Variants in LRRFIP1 observed in about 807,000 individuals in gnomAD.
LRRFIP1 encodes leucine-rich repeat flightless-interacting protein 1.
Under a neutral mutation model 104.4 loss-of-function variants are expected in LRRFIP1, and 62 were observed. That is an observed-to-expected ratio of 0.59 (90% confidence interval 0.48 to 0.73). LRRFIP1 has a LOEUF of 0.73. Among genes scored for constraint, LRRFIP1 ranks in the 30% least tolerant of loss-of-function variants. The pLI is 0.00. For missense variants in LRRFIP1, 796 were observed against 824.5 expected (o/e 0.97, Z 0.42); for synonymous variants, 300 against 299.0 (o/e 1.00, Z -0.03).
intron 1 of LRRFIP1, among the ~76,000 whole-genome samples, chr2:237,659,728 G>A (rs933574255): frequency 1.2e-4 from 18 of 151,372 alleles, no homozygotes; most frequent in Admixed American, 3.3e-4. Flanking sequence ...TCGCTGCCTC[G>A]CTCCTGGGCT....
chr2:237,768,348 C>T (rs1337910074), intron 19 of LRRFIP1: 6 of 152,172 alleles, frequency 3.9e-5, no homozygotes, highest in Non-Finnish European at 8.8e-5. Context: ...TACATTTTAA[C>T]ACTTATTTTC....
chr2:237,638,419 C>T (rs997241344), intron 1 of LRRFIP1, among the ~76,000 whole-genome samples: 8 of 152,222 alleles, frequency 5.3e-5, no homozygotes, highest in Non-Finnish European at 8.8e-5. Context: ...AAGCTTCGCT[C>T]ACTCACCCGC....
At position 237,661,204 on chromosome 2, in the gene LRRFIP1, C is replaced by G. The variant is rs2087874806; in HGVS notation, c.96+33464C>G. Among the ~76,000 whole-genome samples, 1 of 152,196 alleles carries G rather than the reference C, an allele frequency of 6.6e-6. No individual in the cohort carries two copies. The highest frequency in any genetic ancestry group is 6.5e-5 in the Admixed American group (1 of 15,288). ...ACCCTGGGGGATCCTGGGCAGAAGC[C>G]CCTGAAGTGATTGAGCTGTTTCCTG... On this transcript the variant is annotated intron_variant, in intron 1 of 23. Transcript: ENST00000308482. The surrounding 1 kb of genome is among the most constrained non-coding windows in gnomAD (Gnocchi z 4.4).
intron 8 of LRRFIP1, among the ~76,000 whole-genome samples, chr2:237,732,347 A>G (rs970195673): frequency 9.9e-5 from 15 of 152,152 alleles, no homozygotes; most frequent in Non-Finnish European, 2.1e-4. Context: ...CTCCGGCTCC[A>G]GCCTTGGGCT....
At chr2:237,728,055 GGTCT>G (rs60778485) in intron 8 of LRRFIP1, 120 bp downstream of exon 8, 28,947 of 698,104 alleles carry the variant, frequency 0.041, 1,052 homozygotes, top group East Asian at 0.12. Context: ...TTTTAAAATC[GGTCT>G]GTCTTTTTTT....
chr2:237,714,348 C>A (rs2094238816), intron 3 of LRRFIP1, 72 bp downstream of exon 3: 4 of 1,173,334 alleles, frequency 3.4e-6, no homozygotes, highest in Non-Finnish European at 5.0e-6. Flanking sequence ...GGTCACCTTT[C>A]AGAAATAACA....
At chr2:237,688,047 C>T (rs1289280436) in intron 1 of LRRFIP1, among the ~76,000 whole-genome samples, 5 of 152,222 alleles carry the variant, frequency 3.3e-5, no homozygotes, top group East Asian at 1.9e-4. Flanking sequence ...ACTGGCCTTT[C>T]GTTCTTTTCT....
At chr2:237,742,048 A>T (rs2057162853) in intron 11 of LRRFIP1, among the ~76,000 whole-genome samples, 1 of 152,216 alleles carries the variant, frequency 6.6e-6, no homozygotes, top group Non-Finnish European at 1.5e-5. Flanking sequence ...CAATATAGTC[A>T]CTTAGAGATT....
intron 14 of LRRFIP1, among the ~76,000 whole-genome samples, chr2:237,752,949 T>C (rs1396899506): frequency 6.6e-6 from 1 of 152,212 alleles, no homozygotes; most frequent in Non-Finnish European, 1.5e-5. Flanking sequence ...AGAAATCTGT[T>C]GAACAGCCTG....
intron 11 of LRRFIP1, among the ~76,000 whole-genome samples, chr2:237,740,119 G>A (rs969561624): frequency 3.9e-5 from 6 of 152,078 alleles, no homozygotes; most frequent in East Asian, 1.9e-4. Context: ...AAAATTTCCA[G>A]CCTGAGCTGG....
At chr2:237,689,184 G>C (rs1328252150) in intron 1 of LRRFIP1, among the ~76,000 whole-genome samples, 1 of 152,178 alleles carries the variant, frequency 6.6e-6, no homozygotes, top group Non-Finnish European at 1.5e-5. Context: ...AATTTTAATG[G>C]AAAAACTGCA....
chr2:237,712,526 A>G (rs1364540417), intron 2 of LRRFIP1, among the ~76,000 whole-genome samples: 2 of 152,266 alleles, frequency 1.3e-5, no homozygotes, highest in African/African-American at 2.4e-5. Context: ...AGAATTTTCT[A>G]TAAATACAGA....
At chr2:237,680,458 A>G (rs1285963911) in intron 1 of LRRFIP1, among the ~76,000 whole-genome samples, 2 of 152,246 alleles carry the variant, frequency 1.3e-5, no homozygotes, top group Non-Finnish European at 2.9e-5. Context: ...TTTACATTGT[A>G]TTAGGTATGA....
intron 19 of LRRFIP1, chr2:237,769,540 G>A (rs934803571): frequency 7.8e-5 from 15 of 191,108 alleles, no homozygotes; most frequent in Admixed American, 4.9e-4. Context: ...ATGTAAACTC[G>A]GAAAGGCGAG....
chr2:237,724,021 A>G (rs531936166), intron 7 of LRRFIP1, among the ~76,000 whole-genome samples: 135 of 151,662 alleles, frequency 8.9e-4, no homozygotes, highest in Non-Finnish European at 1.6e-3. Flanking sequence ...TCCAGTCTAT[A>G]TCCATTCAAA....
chr2:237,720,969 A>G, intron 6 of LRRFIP1, 147 bp downstream of exon 6: 1 of 676,532 alleles, frequency 1.5e-6, no homozygotes, highest in South Asian at 1.8e-5. Flanking sequence ...TTAAAATCAA[A>G]TCAATGGGGG....
intron 1 of LRRFIP1, among the ~76,000 whole-genome samples, chr2:237,681,144 A>C (rs143424496): frequency 6.6e-6 from 1 of 152,264 alleles, no homozygotes; most frequent in East Asian, 1.9e-4. Flanking sequence ...ACACAATCTC[A>C]CCTCCCTGTT....
At chr2:237,682,612 T>C (rs2091958784) in intron 1 of LRRFIP1, among the ~76,000 whole-genome samples, 1 of 152,214 alleles carries the variant, frequency 6.6e-6, no homozygotes, top group South Asian at 2.1e-4. Flanking sequence ...ACTTCAGCTG[T>C]TCTTTCTTCC....
At chr2:237,763,082 A>G in intron 19 of LRRFIP1, 1 of 1,614,224 alleles carries the variant, frequency 6.2e-7, no homozygotes, top group Non-Finnish European at 8.5e-7. Flanking sequence ...TGACAAATGT[A>G]TGGTAGAGGT....
Sources: gnomAD v4.1 joint callset for allele counts (sites outside exome capture counted in the v4.1 genomes callset) on GRCh38, gnomAD v4.1.1 for gene constraint, Gnocchi (gnomAD v3.1) non-coding constraint, MANE v1.5 for transcripts, NCBI Gene and HGNC (gene_info 2026-07-23, HGNC 2026-07-21) for gene names.